Variants in JADE1 observed in about 807,000 individuals in gnomAD.
JADE1 encodes jade family PHD finger 1, also known as protein Jade-1.
In JADE1, 14 loss-of-function variants were observed where a neutral mutation model predicts 81.8. The observed-to-expected ratio is 0.17, with a 90% confidence interval of 0.11 to 0.27. The LOEUF is 0.27. Among genes scored for constraint, JADE1 ranks in the 10% least tolerant of loss-of-function variants. The probability of loss-of-function intolerance (pLI) is 1.00; values close to 1 mark genes in which losing one functional copy is unlikely to be tolerated. For missense variants in JADE1, 690 were observed against 1,047.9 expected, an observed-to-expected ratio of 0.66 and a Z score of 4.71; for synonymous variants, 353 against 391.9, an observed-to-expected ratio of 0.90 and a Z score of 1.17.
chr4:128,831,951 A>G (rs1381336443), intron 2 of JADE1, 141 bp downstream of exon 2: 5 of 748,202 alleles, frequency 6.7e-6, no homozygotes, highest in Non-Finnish European at 1.2e-5. Flanking sequence ...GGAGAAACGT[A>G]CCTGAGTGTG....
At chr4:128,826,251 C>G (rs1728052197) in intron 1 of JADE1, among the ~76,000 whole-genome samples, 1 of 152,222 alleles carries the variant, frequency 6.6e-6, no homozygotes, top group Non-Finnish European at 1.5e-5. Flanking sequence ...TGTAGCCACG[C>G]TGAGAGGCCT....
At chr4:128,850,029 C>G (rs925082685) in intron 5 of JADE1, among the ~76,000 whole-genome samples, 1 of 152,128 alleles carries the variant, frequency 6.6e-6, no homozygotes, top group African/African-American at 2.4e-5. Context: ...CTTGTTGGCT[C>G]ATGTCTGTAA....
intron 2 of JADE1, among the ~76,000 whole-genome samples, chr4:128,833,649 G>T (rs760614638): frequency 6.6e-6 from 1 of 152,134 alleles, no homozygotes. Context: ...AGCCGAGATC[G>T]TGGCCCCTGT....
chr4:128,856,258 C>T (rs192896449), intron 7 of JADE1, among the ~76,000 whole-genome samples: 1 of 152,116 alleles, frequency 6.6e-6, no homozygotes, highest in Non-Finnish European at 1.5e-5. Flanking sequence ...TACCTTTTTC[C>T]TTGAGGAAAA....
At chr4:128,835,007 C>T (rs1728869976) in intron 2 of JADE1, among the ~76,000 whole-genome samples, 2 of 151,938 alleles carry the variant, frequency 1.3e-5, no homozygotes, top group African/African-American at 4.8e-5. Flanking sequence ...AAAATTCCAC[C>T]TAGAACTCTG....
In JADE1 at chr4:128,863,660, C is replaced by T. The variant is rs1014880123; in HGVS notation, c.1503+1435C>T. 4.1e-6 allele frequency: 4 copies of T among 985,306 alleles called. No individual in the cohort carries two copies. The African/African-American group carries it at 7.0e-5, about 17-fold the overall frequency. The allele number at this position is 985,306 out of a possible 1,614,324, so 61.0% of individuals were successfully genotyped here. ...CAGTTTTGTGAGGCTTTTGTGCTCCCATACGCCCCCTGGTGGTGAGTGTAA... is the reference window on the plus strand; with the variant it reads ...CAGTTTTGTGAGGCTTTTGTGCTCCTATACGCCCCCTGGTGGTGAGTGTAA... On this transcript the variant is annotated intron_variant, in intron 9 of 10. Transcript: ENST00000226319.
chr4:128,814,256 G>A (rs1325502211), intron 1 of JADE1, among the ~76,000 whole-genome samples: 1 of 152,154 alleles, frequency 6.6e-6, no homozygotes, highest in Non-Finnish European at 1.5e-5. Context: ...TAGGGGGTTG[G>A]AGAAGAAAGA....
chr4:128,831,962 A>G, intron 2 of JADE1, 152 bp downstream of exon 2: 2 of 708,952 alleles, frequency 2.8e-6, no homozygotes, highest in Non-Finnish European at 5.1e-6. Context: ...CCTGAGTGTG[A>G]TACTGCAGGT....
chr4:128,861,775 C>G lies in JADE1; in HGVS notation c.1053C>G (p.Thr351=), dbSNP rs776626007. Residue 351 remains threonine (T), a synonymous_variant, in exon 9 of 11, where the codon ACC becomes ACG. Coordinates refer to ENST00000226319, the MANE Select transcript of JADE1 (RefSeq NM_199320.4). Reference sequence around the variant, plus strand: ...TTGACCGGGGCCTGGAGATGAAGACCATCTTAGCAGAGAATGATGAAGTCA... The same window carrying G: ...TTGACCGGGGCCTGGAGATGAAGACGATCTTAGCAGAGAATGATGAAGTCA... The part of the protein sequence containing the change: ...CAFDRGLEMK[T]ILAENDEVKF... 3 of 1,614,202 alleles carry G rather than the reference C, an allele frequency of 1.9e-6. No individual in the cohort carries two copies. The highest frequency in any genetic ancestry group is 2.5e-6 in the Non-Finnish European group (3 of 1,180,036).
intron 6 of JADE1, among the ~76,000 whole-genome samples, chr4:128,854,354 A>G (rs1730617182): frequency 6.6e-6 from 1 of 152,054 alleles, no homozygotes; most frequent in Admixed American, 6.5e-5. Flanking sequence ...ACTTTATGTA[A>G]TCTCCTAAAT....
At position 128,857,067 on chromosome 4, in the gene JADE1, G is replaced by A. The variant is rs532603138; in HGVS notation, c.865-271G>A. Among the ~76,000 whole-genome samples, 4 of 152,298 alleles carry A rather than the reference G, an allele frequency of 2.6e-5. No homozygotes were observed. In the South Asian group the frequency reaches 8.3e-4, roughly 32 times the overall value. On this transcript the variant is annotated intron_variant, in intron 7 of 10. Coordinates refer to ENST00000226319, the MANE Select transcript of JADE1 (RefSeq NM_199320.4). ...GCATTGTCCTGGTACATGACTCTTT[G>A]TCATCAGACGCTCCGGTGAGAAGTG...
chr4:128,834,036 C>T (rs1178076958), intron 2 of JADE1, among the ~76,000 whole-genome samples: 2 of 152,174 alleles, frequency 1.3e-5, no homozygotes, highest in East Asian at 1.9e-4. Flanking sequence ...AATTTGAAGA[C>T]ACATGTGGCT....
intron 1 of JADE1, among the ~76,000 whole-genome samples, chr4:128,818,056 T>C (rs899594325): frequency 2.0e-5 from 3 of 152,188 alleles, no homozygotes; most frequent in African/African-American, 4.8e-5. Flanking sequence ...CTGGTTTTAC[T>C]GTGGCCTTTA....
chr4:128,870,663 G>A (rs1198028966), intron 10 of JADE1, among the ~76,000 whole-genome samples: 1 of 152,192 alleles, frequency 6.6e-6, no homozygotes, highest in Non-Finnish European at 1.5e-5. Flanking sequence ...AGGTCATGCT[G>A]TGGAATTTAG....
chr4:128,822,381 C>T (rs1727655361), intron 1 of JADE1, among the ~76,000 whole-genome samples: 1 of 151,972 alleles, frequency 6.6e-6, no homozygotes, highest in Non-Finnish European at 1.5e-5. Context: ...AAAAAAGTAT[C>T]TTTACTATTA....
At chr4:128,864,428 G>A (rs1363622637) in intron 9 of JADE1, 3 of 985,026 alleles carry the variant, frequency 3.0e-6, no homozygotes, top group Non-Finnish European at 3.6e-6. Context: ...TTACGCCACT[G>A]TACCCAGCCT....
At chr4:128,836,151 G>T (rs1231731365) in intron 2 of JADE1, among the ~76,000 whole-genome samples, 2 of 152,084 alleles carry the variant, frequency 1.3e-5, no homozygotes, top group Non-Finnish European at 2.9e-5. Context: ...GCACATGTGG[G>T]AATAGGGTCC....
At chr4:128,840,851 C>T (rs550550241) in intron 2 of JADE1, among the ~76,000 whole-genome samples, 3 of 152,314 alleles carry the variant, frequency 2.0e-5, no homozygotes, top group Admixed American at 1.3e-4. Context: ...ACTGAAATGC[C>T]ATGGGGCCAC....
At chr4:128,852,714 ATGTAT>A (rs1221934775) in intron 6 of JADE1, among the ~76,000 whole-genome samples, 1 of 152,134 alleles carries the variant, frequency 6.6e-6, no homozygotes, top group African/African-American at 2.4e-5. Context: ...AACAACAAAA[ATGTAT>A]TGTCTTGTGG....
Sources: allele counts gnomAD v4.1 joint callset (sites outside exome capture counted in the v4.1 genomes callset), GRCh38; gene constraint gnomAD v4.1.1; transcripts MANE v1.5; gene names NCBI Gene and HGNC (gene_info 2026-07-23, HGNC 2026-07-21).